The following SP100 variants were observed in gnomAD, a reference collection of about 807,000 sequenced individuals.
SP100 encodes nuclear autoantigen Sp-100.
Under a neutral mutation model 130.0 loss-of-function variants are expected in SP100, and 84 were observed. That is an observed-to-expected ratio of 0.65 (90% CI 0.54 to 0.77). SP100 has a LOEUF of 0.77. SP100 is among the 30% of genes least tolerant of loss of function. SP100 has a pLI of 0.00. For missense variants in SP100, 978 were observed against 1,052.2 expected (o/e 0.93, Z 0.97); for synonymous variants, 331 against 351.7 (o/e 0.94, Z 0.66).
At chr2:230,436,964 A>ACACACG (rs1559486716) in intron 2 of SP100, among the ~76,000 whole-genome samples, 1,631 of 93,356 alleles carry the variant, frequency 0.017, 17 homozygotes, top group South Asian at 0.025. Context: ...ATACACACAC[A>ACACACG]TATATATGTG....
chr2:230,478,258 A>G (rs1283638937), intron 17 of SP100, among the ~76,000 whole-genome samples: 2 of 152,214 alleles, frequency 1.3e-5, no homozygotes, highest in African/African-American at 2.4e-5. Flanking sequence ...ATAAAATTTT[A>G]CAAGCATTTA....
rs192990696 is a variant in SP100, at chr2:230,488,383, T to C, written c.1601-6033T>C. ...TCATCAATACCTAGTTTATTGAGAG[T>C]TTTTTTTGTTTGTTTGGGTTTTTGT... is the stretch of plus-strand genomic sequence containing the variant. On this transcript the variant is annotated intron_variant, in intron 17 of 28. Transcript: ENST00000340126. Among the ~76,000 whole-genome samples the C allele has an allele frequency of 7.4e-3, 1,117 of 151,868 alleles. 7 individuals carry two copies. The highest frequency in any genetic ancestry group is 0.01 in the Non-Finnish European group (711 of 67,920).
At chr2:230,541,175 A>T in intron 26 of SP100, 126 bp from the exon 27 acceptor site, 1 of 1,214,172 alleles carries the variant, frequency 8.2e-7, no homozygotes. Flanking sequence ...GTCCAAAGAA[A>T]CTCCCCATGC....
chr2:230,527,583 C>G (rs1191739522), intron 24 of SP100, among the ~76,000 whole-genome samples: 2 of 152,128 alleles, frequency 1.3e-5, no homozygotes, highest in African/African-American at 4.8e-5. Flanking sequence ...CAGTATTAAC[C>G]TCAAATGTGA....
chr2:230,472,508 T>C (rs1465638713), intron 15 of SP100, among the ~76,000 whole-genome samples: 1 of 144,632 alleles, frequency 6.9e-6, no homozygotes, highest in African/African-American at 2.6e-5. Context: ...GAGGAAGTGA[T>C]AGTAGAAAGA....
intron 6 of SP100, 183 bp from the exon 7 acceptor site, chr2:230,449,378 G>A (rs62193406): frequency 0.1 from 82,717 of 801,328 alleles, 4,629 homozygotes; most frequent in African/African-American, 0.12. Context: ...TCCTGCTGCC[G>A]CTGAGCCTGG....
intron 19 of SP100, among the ~76,000 whole-genome samples, chr2:230,502,366 T>A (rs2067085173): frequency 6.6e-6 from 1 of 152,194 alleles, no homozygotes; most frequent in Non-Finnish European, 1.5e-5. Context: ...ACTGGTAGAG[T>A]CTACCATGAG....
At chr2:230,475,064 T>C (rs1203850973) in intron 17 of SP100, among the ~76,000 whole-genome samples, 1 of 152,126 alleles carries the variant, frequency 6.6e-6, no homozygotes, top group Non-Finnish European at 1.5e-5. Context: ...GTAGTGGGAT[T>C]GCTGGGTAGA....
At chr2:230,486,693 A>G (rs1326345483) in intron 17 of SP100, among the ~76,000 whole-genome samples, 1 of 152,278 alleles carries the variant, frequency 6.6e-6, no homozygotes, top group African/African-American at 2.4e-5. Context: ...GTATATACCC[A>G]GTAATGGGAT....
Position 230,466,460 on chromosome 2 carries a change from C to A in SP100, c.1195+106C>A. ...GAGTCAGTCTAATTCCTTGCTATAT[C>A]CTTCAAAGTAAAATATAAATTTGCT... On this transcript the variant is annotated intron_variant, in intron 12 of 28. Transcript: ENST00000340126. 2 of 670,010 alleles carry A rather than the reference C, an allele frequency of 3.0e-6. 1 individual carries two copies. Among genetic ancestry groups the A allele is most frequent in the South Asian group, 3.7e-5 (2 of 53,688 alleles). The allele number at this position is 670,010 out of a possible 1,614,324, so 41.5% of individuals were successfully genotyped here.
In SP100 at chr2:230,504,237, C is replaced by T; in HGVS notation, c.1817C>T (p.Pro606Leu). 1.9e-6 allele frequency: 3 copies of T among 1,613,156 alleles called. No homozygotes were observed. The highest frequency in any genetic ancestry group is 2.5e-6 in the Non-Finnish European group (3 of 1,179,320). The change falls in exon 21 of 29, where the codon CCT becomes CTT. Residue 606 changes from proline (P) to leucine (L), a missense_variant. Physicochemically the swap from Pro to Leu is moderately conservative, Grantham distance 98. Transcript: ENST00000340126. Reference sequence around the variant, plus strand: ...ATTAATTTTAAACAATCTGAACTTCCTGTGACCTGTGGTGAGGTGAAGGGC... The same window carrying T: ...ATTAATTTTAAACAATCTGAACTTCTTGTGACCTGTGGTGAGGTGAAGGGC... Reference protein sequence around the residue: ...ENINFKQSELPVTCGEVKGTL... With the variant: ...ENINFKQSELLVTCGEVKGTL...
At chr2:230,524,356 C>CAAA (rs34536949) in intron 24 of SP100, among the ~76,000 whole-genome samples, 1 of 94,830 alleles carries the variant, frequency 1.1e-5, no homozygotes, top group Non-Finnish European at 2.0e-5. Flanking sequence ...GATTCCATCT[C>CAAA]AAAAAAAAAA....
chr2:230,502,935 G>T, intron 19 of SP100, 131 bp from the exon 20 acceptor site: 1 of 656,922 alleles, frequency 1.5e-6, no homozygotes, highest in South Asian at 2.3e-5. Context: ...TACAAAAAAA[G>T]TTCCCGACTC....
intron 8 of SP100, among the ~76,000 whole-genome samples, chr2:230,450,894 C>T (rs1400637852): frequency 6.6e-6 from 1 of 152,150 alleles, no homozygotes; most frequent in Non-Finnish European, 1.5e-5. Context: ...CTGATGGGTA[C>T]TTAGGTTGTT....
intron 12 of SP100, among the ~76,000 whole-genome samples, 187 bp from the exon 13 acceptor site, chr2:230,466,933 T>C (rs144349305): frequency 6.6e-5 from 10 of 152,266 alleles, no homozygotes; most frequent in Admixed American, 1.3e-4. Flanking sequence ...AGGGATAAAA[T>C]ACTAACCTTG....
chr2:230,476,194 G>C (rs1017920060), intron 17 of SP100, among the ~76,000 whole-genome samples: 4 of 152,084 alleles, frequency 2.6e-5, no homozygotes, highest in Non-Finnish European at 5.9e-5. Flanking sequence ...CTATTTATTT[G>C]TGCTATCTCT....
chr2:230,503,345 G>GTTGA (rs933245793), intron 20 of SP100, among the ~76,000 whole-genome samples: 15 of 152,046 alleles, frequency 9.9e-5, no homozygotes, highest in African/African-American at 3.4e-4. Context: ...GTTCTTTTTT[G>GTTGA]TTGATTGATT....
chr2:230,510,822 C>T (rs114195814), intron 23 of SP100: 1 of 419,344 alleles, frequency 2.4e-6, no homozygotes, highest in Non-Finnish European at 4.3e-6. Context: ...AACATGCCTG[C>T]AGGCCCCTTG....
At chr2:230,500,846 G>T (rs911233023) in intron 19 of SP100, among the ~76,000 whole-genome samples, 1 of 152,112 alleles carries the variant, frequency 6.6e-6, no homozygotes, top group Non-Finnish European at 1.5e-5. Context: ...GAAACTGATC[G>T]ATCTAGAGCA....
Sources: allele counts gnomAD v4.1 joint callset (sites outside exome capture counted in the v4.1 genomes callset), GRCh38; gene constraint gnomAD v4.1.1; transcripts MANE v1.5; gene names NCBI Gene and HGNC (gene_info 2026-07-23, HGNC 2026-07-21).